The following ERG variants were observed in gnomAD, a reference collection of about 807,000 sequenced individuals.
ERG encodes ETS transcription factor ERG, also known as transcriptional regulator ERG.
ERG carries 9 observed loss-of-function variants against 55.3 expected under a neutral mutation model. The ratio of observed to expected loss-of-function variants is 0.16; its 90% confidence interval spans 0.10 to 0.28. The LOEUF (loss-of-function observed/expected upper bound fraction) is 0.28. ERG is among the 10% of genes least tolerant of loss of function. ERG has a pLI of 1.00. For missense variants in ERG, 434 were observed against 631.6 expected (o/e 0.69, Z 3.35); for synonymous variants, 223 against 237.3 (o/e 0.94, Z 0.55).
At chr21:38,601,826 G>A (rs913492845) in intron 1 of ERG, among the ~76,000 whole-genome samples, 4 of 152,064 alleles carry the variant, frequency 2.6e-5, no homozygotes, top group African/African-American at 9.7e-5. Flanking sequence ...TTTTAAATGA[G>A]GTGTAGTCAA....
chr21:38,402,696 A>T, intron 4 of ERG, 59 bp from the exon 5 acceptor site: 1 of 824,386 alleles, frequency 1.2e-6, no homozygotes, highest in Non-Finnish European at 1.8e-6. Flanking sequence ...AGAGAGAAAG[A>T]GAATTACCTT....
chr21:38,426,519 C>T (rs563807795), intron 2 of ERG, among the ~76,000 whole-genome samples: 3 of 152,348 alleles, frequency 2.0e-5, no homozygotes, highest in African/African-American at 7.2e-5. Flanking sequence ...CAATCATTCA[C>T]TCATCCATTT....
At chr21:38,463,666 G>T (rs1270431008) in intron 1 of ERG, among the ~76,000 whole-genome samples, 1 of 152,178 alleles carries the variant, frequency 6.6e-6, no homozygotes, top group Non-Finnish European at 1.5e-5. Flanking sequence ...AAAATGGTGG[G>T]GAGCATTTCC....
chr21:38,454,666 A>G (rs753477474), intron 1 of ERG, among the ~76,000 whole-genome samples: 4 of 152,214 alleles, frequency 2.6e-5, no homozygotes, highest in Non-Finnish European at 5.9e-5. Context: ...ATCATATGAT[A>G]GAAGGGTGAT....
At chr21:38,476,686 A>T (rs1218553136) in intron 1 of ERG, among the ~76,000 whole-genome samples, 1 of 152,202 alleles carries the variant, frequency 6.6e-6, no homozygotes, top group Non-Finnish European at 1.5e-5. Context: ...TATAAACATT[A>T]AAGAGACAGA....
At chr21:38,586,176 AATATATATATATATATATAT>A (rs56413525), upstream of ERG, among the ~76,000 whole-genome samples, 627 of 128,546 alleles carry the variant, frequency 4.9e-3, 17 homozygotes, top group East Asian at 1.0e-2. Context: ...TATGTTTTGA[AATATATATATATATATATAT>A]ATATATATAT....
intron 1 of ERG, among the ~76,000 whole-genome samples, chr21:38,594,821 T>C (rs2060121691): frequency 6.6e-6 from 1 of 152,156 alleles, no homozygotes; most frequent in Non-Finnish European, 1.5e-5. Flanking sequence ...CCAACACAGC[T>C]ACTTTACGTG....
chr21:38,382,050 A>G lies in ERG; in HGVS notation c.*1353T>C. On this transcript the variant is annotated 3_prime_UTR_variant, in exon 10 of 10. Coordinates refer to ENST00000288319, the MANE Select transcript of ERG (RefSeq NM_182918.4). Reference sequence around the variant, plus strand: ...AAATCTGATTTGCCATGCTAGGCCAAGCTTATTTTATTACATACATTCTGC... The same window carrying G: ...AAATCTGATTTGCCATGCTAGGCCAGGCTTATTTTATTACATACATTCTGC... 1 of 1,059,634 alleles carries G rather than the reference A, an allele frequency of 9.4e-7. No individual in the cohort carries two copies. Among genetic ancestry groups the G allele is most frequent in the Non-Finnish European group, 1.1e-6 (1 of 875,512 alleles). The allele number at this position is 1,059,634 out of a possible 1,614,324, so 65.6% of individuals were successfully genotyped here.
chr21:38,630,837 C>T (rs2060352270), intron 1 of ERG, among the ~76,000 whole-genome samples: 1 of 152,152 alleles, frequency 6.6e-6, no homozygotes, highest in South Asian at 2.1e-4. Flanking sequence ...CACTTTGCAA[C>T]ATAAGAGGAA....
intron 1 of ERG, among the ~76,000 whole-genome samples, chr21:38,461,935 G>A (rs1052619759): frequency 3.3e-5 from 5 of 152,024 alleles, no homozygotes; most frequent in Admixed American, 1.3e-4. Flanking sequence ...CTCCTGAATA[G>A]CTGGGATTAC....
chr21:38,417,775 C>T (rs753972302), intron 3 of ERG, among the ~76,000 whole-genome samples: 6 of 151,458 alleles, frequency 4.0e-5, no homozygotes, highest in Non-Finnish European at 7.4e-5. Flanking sequence ...GGCAACAGAG[C>T]GAGGCTCCAT....
rs189448755 is a variant in ERG at position 38,577,508 on chromosome 21, G to A, written c.-126-1761C>T. Among the ~76,000 whole-genome samples, 170 of 152,276 alleles carry A rather than the reference G, an allele frequency of 1.1e-3. 2 individuals carry two copies. Among genetic ancestry groups the A allele is most frequent in the African/African-American group, 3.6e-3 (151 of 41,564 alleles). ...ATGAGAGTTACTGAAAGTACAGAGG[G>A]AGTGAAGTGCAGTCCTGAAATTGAA... On this transcript the variant is annotated intron_variant, in intron 1 of 8. Coordinates refer to the ERG transcript ENST00000398897.
chr21:38,592,246 T>C (rs2060104840), intron 1 of ERG, among the ~76,000 whole-genome samples: 2 of 152,220 alleles, frequency 1.3e-5, no homozygotes, highest in Non-Finnish European at 2.9e-5. Flanking sequence ...GGAAAAGATG[T>C]GCTCTAACGC....
rs1283268138 is a variant in ERG, at chr21:38,528,638, C to T, written c.-41+47024G>A. Among the ~76,000 whole-genome samples the T allele has an allele frequency of 2.1e-4, 13 of 61,348 alleles. 3 individuals carry two copies. The highest frequency in any genetic ancestry group is 4.2e-4 in the Non-Finnish European group (10 of 23,692). The allele number at this position is 61,348 out of a possible 152,430, so 40.2% of individuals were successfully genotyped here. On this transcript the variant is annotated intron_variant, in intron 2 of 8. Coordinates refer to the ERG transcript ENST00000398897. ...AATTTTTTTGTATTTTTAGTAGAGA[C>T]GGGGTTTCACCTTGTTAGCCAGGAT...
intron 1 of ERG, among the ~76,000 whole-genome samples, chr21:38,646,996 C>T (rs892825817): frequency 2.0e-5 from 3 of 152,146 alleles, no homozygotes; most frequent in African/African-American, 7.2e-5. Context: ...GCCTCCATGC[C>T]GCCTTGCTCT....
chr21:38,645,159 A>G (rs1224808172), intron 1 of ERG, among the ~76,000 whole-genome samples: 2 of 152,236 alleles, frequency 1.3e-5, no homozygotes, highest in African/African-American at 4.8e-5. Context: ...ACTCTGTCTC[A>G]GAAAAAAATA....
rs556573795 is a variant in ERG at position 38,568,217 on chromosome 21, A to T, written c.-41+7445T>A. On this transcript the variant is annotated intron_variant, in intron 2 of 8. Transcript: ENST00000398897. ...ATATGCACCAGTATGCTAGTATACA[A>T]CATTATAGATTAATAATATGCTATA... Among the ~76,000 whole-genome samples, 5 of 141,794 alleles carry T rather than the reference A, an allele frequency of 3.5e-5. No individual in the cohort carries two copies. The Admixed American group carries it at 4.0e-4, about 11-fold the overall frequency. 93.0% of individuals were successfully genotyped at this position (141,794 alleles called of 152,430 possible). A position where few individuals can be genotyped will look rare whatever the true frequency, so the allele number is the denominator to read the frequency against.
At chr21:38,529,781 G>A (rs1366358923) in intron 2 of ERG, among the ~76,000 whole-genome samples, 1 of 151,954 alleles carries the variant, frequency 6.6e-6, no homozygotes, top group Admixed American at 6.6e-5. Flanking sequence ...CCTGGCCAAC[G>A]TGGTGTTACC....
At chr21:38,400,884 A>G (rs574381427) in intron 5 of ERG, among the ~76,000 whole-genome samples, 3 of 152,280 alleles carry the variant, frequency 2.0e-5, no homozygotes, top group Admixed American at 2.0e-4. Context: ...TTGTGTTTTG[A>G]TTTTATAACT....
Sources: allele counts gnomAD v4.1 joint callset (sites outside exome capture counted in the v4.1 genomes callset), GRCh38; gene constraint gnomAD v4.1.1; transcripts MANE v1.5; gene names NCBI Gene and HGNC (gene_info 2026-07-23, HGNC 2026-07-21).